Variants in SMARCC1 observed in about 807,000 individuals in gnomAD.
SMARCC1 encodes SWI/SNF related BAF chromatin remodeling complex subunit C1, also known as SWI/SNF complex subunit SMARCC1.
SMARCC1 carries 43 observed loss-of-function variants against 147.4 expected under a neutral mutation model. That is an observed-to-expected ratio of 0.29 (90% CI 0.23 to 0.38). The LOEUF (loss-of-function observed/expected upper bound fraction) is 0.38, where lower values mean the gene tolerates loss of function less well. Ranked by LOEUF, SMARCC1 falls within the 10% of genes least tolerant of loss-of-function variation. SMARCC1 has a pLI of 1.00. For missense variants in SMARCC1, 1,119 were observed against 1,381.1 expected (o/e 0.81, Z 3.01); for synonymous variants, 495 against 484.4 (o/e 1.02, Z -0.29).
chr3:47,657,682 C>T (rs112635838), intron 21 of SMARCC1, among the ~76,000 whole-genome samples: 1 of 151,968 alleles, frequency 6.6e-6, no homozygotes, highest in African/African-American at 2.4e-5. Flanking sequence ...GGAGTGGTGG[C>T]GGGTGCCTGT....
At chr3:47,663,209 G>GGGGA (rs2033373879) in intron 19 of SMARCC1, among the ~76,000 whole-genome samples, 1 of 34,966 alleles carries the variant, frequency 2.9e-5, no homozygotes, top group Middle Eastern at 0.018. Context: ...GGGGAGGGGA[G>GGGGA]GGGAGGAAGG....
intron 24 of SMARCC1, among the ~76,000 whole-genome samples, chr3:47,623,439 C>T (rs960520792): frequency 1.4e-4 from 22 of 152,054 alleles, no homozygotes; most frequent in African/African-American, 5.3e-4. Context: ...AACACTTAGA[C>T]GAAAGCCTAA....
chr3:47,675,538 T>C lies in SMARCC1; in HGVS notation c.1776A>G (p.Lys592=). ...MLNFPEKNKE[K]PVDLQNFGLR... ...GACCAAAGTTCTGCAAATCAACTGG[T>C]TTTTCCTTGTTTTTCTCAGGAAAAT... is the stretch of plus-strand genomic sequence containing the variant. The change falls in exon 18 of 28, where the codon AAA becomes AAG. Residue 592 remains lysine, a synonymous_variant. Coordinates refer to ENST00000254480, the MANE Select transcript of SMARCC1 (RefSeq NM_003074.4). 6.2e-7 allele frequency: 1 copy of C among 1,612,910 alleles called. No homozygotes were observed. The highest frequency in any genetic ancestry group is 8.5e-7 in the Non-Finnish European group (1 of 1,178,900).
intron 9 of SMARCC1, among the ~76,000 whole-genome samples, chr3:47,706,772 A>G (rs543553261): frequency 1.6e-4 from 24 of 152,358 alleles, no homozygotes; most frequent in Admixed American, 1.4e-3. Context: ...ATGCTATAAC[A>G]GACATGCTGA....
At chr3:47,733,600 G>C (rs570685854) in intron 5 of SMARCC1, among the ~76,000 whole-genome samples, 2 of 150,366 alleles carry the variant, frequency 1.3e-5, no homozygotes, top group Non-Finnish European at 3.0e-5. Flanking sequence ...AATTAGCAGC[G>C]CAAGGGCCAG....
At chr3:47,742,409 G>C (rs1452260818) in intron 3 of SMARCC1, among the ~76,000 whole-genome samples, 1 of 152,048 alleles carries the variant, frequency 6.6e-6, no homozygotes, top group East Asian at 1.9e-4. Context: ...TCTCCTTTGG[G>C]AGATCCGTTT....
At chr3:47,740,672 G>C (rs745314573) in intron 3 of SMARCC1, among the ~76,000 whole-genome samples, 7 of 151,900 alleles carry the variant, frequency 4.6e-5, no homozygotes, top group Non-Finnish European at 8.8e-5. Context: ...GCACAATGCT[G>C]ATACAGCCCC....
At chr3:47,612,701 T>C (rs2032579704) in intron 25 of SMARCC1, among the ~76,000 whole-genome samples, 1 of 151,364 alleles carries the variant, frequency 6.6e-6, no homozygotes, top group South Asian at 2.1e-4. Flanking sequence ...TTTTCTGAGT[T>C]TCATCTGTCA....
chr3:47,773,966 A>G (rs1275192301), intron 1 of SMARCC1, among the ~76,000 whole-genome samples: 2 of 152,178 alleles, frequency 1.3e-5, no homozygotes, highest in South Asian at 4.1e-4. Context: ...ATTCCAAGCA[A>G]GAAAAACATC....
chr3:47,635,989 CA>C lies in SMARCC1; in HGVS notation c.2491+32del. On this transcript the variant is annotated intron_variant, in intron 23 of 27. Transcript: ENST00000254480. The stretch of plus-strand genomic sequence containing the variant: ...TTCTCCAGTGCCTTTTACAGTTTTA[CA>C]TAATAATATCTAAGGAGTTTCCTCA... 6 of 1,022,814 alleles carry C rather than the reference CA, an allele frequency of 5.9e-6. No homozygotes were observed. In the South Asian group the frequency reaches 8.3e-5, roughly 14 times the overall value. 63.4% of individuals were successfully genotyped at this position (1,022,814 alleles called of 1,614,324 possible).
intron 26 of SMARCC1, chr3:47,603,881 T>C (rs530288194): frequency 1.4e-4 from 52 of 365,074 alleles, no homozygotes; most frequent in South Asian, 1.1e-3. Context: ...AGAAACCAAG[T>C]TGGGACACTA....
At chr3:47,676,583 C>T (rs778319105) in intron 17 of SMARCC1, 46 bp downstream of exon 17, 11 of 1,453,040 alleles carry the variant, frequency 7.6e-6, no homozygotes, top group East Asian at 2.3e-5. Flanking sequence ...CTATAAATGG[C>T]CATTTGTTAC....
intron 6 of SMARCC1, among the ~76,000 whole-genome samples, chr3:47,726,008 G>A (rs2034294992): frequency 7.8e-6 from 1 of 127,650 alleles, no homozygotes; most frequent in Admixed American, 9.8e-5. Flanking sequence ...GCTGCAGTGA[G>A]CCAAGATCAC....
intron 11 of SMARCC1, among the ~76,000 whole-genome samples, chr3:47,694,856 A>G (rs923646292): frequency 6.6e-6 from 1 of 152,218 alleles, no homozygotes; most frequent in African/African-American, 2.4e-5. Context: ...TGACATAATC[A>G]ACGGTAAATA....
At chr3:47,653,071 C>A (rs1041598962) in intron 21 of SMARCC1, among the ~76,000 whole-genome samples, 1 of 151,670 alleles carries the variant, frequency 6.6e-6, no homozygotes, top group Non-Finnish European at 1.5e-5. Context: ...ATTCTCCTGG[C>A]CTCAGCCTCC....
At chr3:47,710,151 T>C (rs1357668647) in intron 9 of SMARCC1, among the ~76,000 whole-genome samples, 1 of 152,082 alleles carries the variant, frequency 6.6e-6, no homozygotes, top group African/African-American at 2.4e-5. Flanking sequence ...ACCCTGTCTC[T>C]ACTAAAAATG....
Position 47,585,476 on chromosome 3 carries a change from C to CT in SMARCC1, c.*2732dup, listed in dbSNP as rs1437162968. 6.6e-6 allele frequency: 1 copy of CT among 152,188 alleles called. No homozygotes were observed. Among genetic ancestry groups the CT allele is most frequent in the African/African-American group, 2.4e-5 (1 of 41,438 alleles). 9.4% of individuals were successfully genotyped at this position (152,188 alleles called of 1,614,324 possible). Reference sequence around the variant, plus strand: ...ATAAGCATCCTGAAAACAATCACTTCTTTTTTTCTGCACAGGGTTTATATC... The same window carrying CT: ...ATAAGCATCCTGAAAACAATCACTTCTTTTTTTTCTGCACAGGGTTTATATC... On this transcript the variant is annotated 3_prime_UTR_variant, in exon 28 of 28. Transcript: ENST00000254480.
intron 26 of SMARCC1, among the ~76,000 whole-genome samples, chr3:47,607,059 T>C (rs2032487626): frequency 6.6e-6 from 1 of 152,162 alleles, no homozygotes; most frequent in African/African-American, 2.4e-5. Context: ...AAAAATTACT[T>C]TGAGATGTGA....
At chr3:47,694,896 T>G (rs1222091769) in intron 11 of SMARCC1, among the ~76,000 whole-genome samples, 1 of 152,216 alleles carries the variant, frequency 6.6e-6, no homozygotes, top group Non-Finnish European at 1.5e-5. Context: ...GGGTTCAGAT[T>G]CTTTATACAT....
Sources: allele counts gnomAD v4.1 joint callset (sites outside exome capture counted in the v4.1 genomes callset), GRCh38; gene constraint gnomAD v4.1.1; transcripts MANE v1.5; gene names NCBI Gene and HGNC (gene_info 2026-07-23, HGNC 2026-07-21).